Variants in GATAD2A observed in about 807,000 individuals in gnomAD.
GATAD2A encodes the protein GATA zinc finger domain containing 2A.
Under a neutral mutation model 68.5 loss-of-function variants are expected in GATAD2A, and 12 were observed. The ratio of observed to expected loss-of-function variants is 0.18; its 90% confidence interval spans 0.11 to 0.28. The LOEUF (loss-of-function observed/expected upper bound fraction) is 0.28. Ranked by LOEUF, GATAD2A falls within the 10% of genes least tolerant of loss-of-function variation. The pLI, the probability that GATAD2A is intolerant of heterozygous loss-of-function variation, is 1.00. For missense variants in GATAD2A, 755 were observed against 868.5 expected, an observed-to-expected ratio of 0.87 and a Z score of 1.64; for synonymous variants, 410 against 375.3, an observed-to-expected ratio of 1.09 and a Z score of -1.07.
intron 10 of GATAD2A, 56 bp downstream of exon 10, chr19:19,502,099 C>T (rs1037964707): frequency 3.3e-5 from 42 of 1,279,606 alleles, no homozygotes; most frequent in African/African-American, 1.8e-4. Context: ...CCCGTGACCA[C>T]GTCAGTCGCC....
chr19:19,490,150 TTC>T (rs2059690140), intron 2 of GATAD2A, among the ~76,000 whole-genome samples: 1 of 152,142 alleles, frequency 6.6e-6, no homozygotes, highest in African/African-American at 2.4e-5. Context: ...AATCGTACCT[TTC>T]TGTCCACGCC....
chr19:19,475,331 T>C (rs983345443), intron 2 of GATAD2A, among the ~76,000 whole-genome samples: 1 of 152,314 alleles, frequency 6.6e-6, no homozygotes, highest in South Asian at 2.1e-4. Flanking sequence ...TTGGCAGGGA[T>C]TGAACCCCTA....
intron 1 of GATAD2A, chr19:19,436,267 C>T: frequency 9.7e-7 from 1 of 1,031,100 alleles, no homozygotes; most frequent in Non-Finnish European, 1.4e-6. Flanking sequence ...TCCACGCATC[C>T]AGCAGGCTTC....
At chr19:19,457,435 A>G (rs12977524) in intron 1 of GATAD2A, among the ~76,000 whole-genome samples, 28,899 of 152,030 alleles carry the variant, frequency 0.19, 2,962 homozygotes, top group South Asian at 0.33. Context: ...CTTCAGGTGA[A>G]AGCAGTGTAA....
chr19:19,493,872 T>G (rs1388242429), intron 4 of GATAD2A, among the ~76,000 whole-genome samples: 2 of 152,118 alleles, frequency 1.3e-5, no homozygotes, highest in Non-Finnish European at 2.9e-5. Context: ...CTGGCCCTTC[T>G]CTACTGGAAC....
Position 19,409,889 on chromosome 19 carries a change from T to C in GATAD2A, c.-7+3870T>C, listed in dbSNP as rs115701556. On this transcript the variant is annotated intron_variant, in intron 1 of 11. Transcript: ENST00000683918. The stretch of plus-strand genomic sequence containing the variant: ...CCCACCTTGTGCTTTCCAGACTATA[T>C]TTGTGACCTCTTTTTGTCTGATGGA... 2.4e-3 allele frequency among the ~76,000 whole-genome samples: 371 copies of C among 152,330 alleles called. 2 individuals carry two copies. The highest frequency in any genetic ancestry group is 8.5e-3 in the African/African-American group (354 of 41,576).
At chr19:19,437,498 A>G (rs768854795) in intron 1 of GATAD2A, among the ~76,000 whole-genome samples, 1 of 152,184 alleles carries the variant, frequency 6.6e-6, no homozygotes, top group African/African-American at 2.4e-5. Flanking sequence ...TTTTATATAT[A>G]TTCAAGAGTT....
intron 1 of GATAD2A, among the ~76,000 whole-genome samples, chr19:19,433,456 T>G (rs2053967461): frequency 6.6e-6 from 1 of 151,764 alleles, no homozygotes; most frequent in Non-Finnish European, 1.5e-5. Flanking sequence ...GGAATCAGTT[T>G]GTCATTTCTT....
At chr19:19,493,536 G>A (rs1189937361) in intron 4 of GATAD2A, among the ~76,000 whole-genome samples, 1 of 152,150 alleles carries the variant, frequency 6.6e-6, no homozygotes, top group Non-Finnish European at 1.5e-5. Flanking sequence ...CAGCTTAATG[G>A]GCAGCGAGGT....
intron 2 of GATAD2A, among the ~76,000 whole-genome samples, chr19:19,467,445 G>T (rs1009909098): frequency 2.4e-4 from 37 of 152,008 alleles, no homozygotes; most frequent in African/African-American, 7.5e-4. Context: ...GTCTTCCAAG[G>T]GTAATCACTT....
At chr19:19,484,753 T>C (rs1349532973) in intron 2 of GATAD2A, among the ~76,000 whole-genome samples, 1 of 152,108 alleles carries the variant, frequency 6.6e-6, no homozygotes, top group Non-Finnish European at 1.5e-5. Context: ...CAGGATGGTC[T>C]CTATCTCGTG....
intron 1 of GATAD2A, among the ~76,000 whole-genome samples, chr19:19,457,732 CTG>C (rs2057066008): frequency 6.7e-6 from 1 of 149,822 alleles, no homozygotes; most frequent in South Asian, 2.1e-4. Flanking sequence ...CAGACTGAGA[CTG>C]TGTCTCAAAA....
intron 4 of GATAD2A, among the ~76,000 whole-genome samples, chr19:19,493,434 C>T (rs1438520661): frequency 1.3e-5 from 2 of 152,238 alleles, no homozygotes; most frequent in Non-Finnish European, 2.9e-5. Flanking sequence ...GTGCTGAGCT[C>T]CCGTGGATCT....
chr19:19,429,552 A>G (rs990933128), intron 1 of GATAD2A, among the ~76,000 whole-genome samples: 1 of 151,926 alleles, frequency 6.6e-6, no homozygotes, highest in African/African-American at 2.4e-5. Context: ...CGTCTGGTTT[A>G]TTATGGGGAG....
intron 2 of GATAD2A, among the ~76,000 whole-genome samples, chr19:19,487,949 G>A (rs988843012): frequency 9.2e-5 from 14 of 152,122 alleles, no homozygotes; most frequent in African/African-American, 3.4e-4. Flanking sequence ...AAATGGTTCT[G>A]TGGCTGGAGA....
intron 1 of GATAD2A, among the ~76,000 whole-genome samples, chr19:19,432,831 G>C (rs1342335516): frequency 1.3e-5 from 2 of 152,194 alleles, no homozygotes; most frequent in African/African-American, 4.8e-5. Flanking sequence ...GGGCCTCTGG[G>C]GTTAGGAGAG....
chr19:19,460,404 G>A lies in GATAD2A; in HGVS notation c.-6-4936G>A, dbSNP rs1158950400. On this transcript the variant is annotated intron_variant, in intron 1 of 11. Transcript: ENST00000683918. ...CCTTGTGTCTTGAGTGTTGGGCGCA[G>A]CTCACAGCTAGCGAGGCTAGCACCT... 2.0e-5 allele frequency among the ~76,000 whole-genome samples: 3 copies of A among 152,198 alleles called. No homozygotes were observed. In the East Asian group the frequency reaches 5.8e-4, roughly 29 times the overall value.
chr19:19,492,604 A>G lies in GATAD2A; in HGVS notation c.426A>G (p.Glu142=), dbSNP rs376866964. 13 of 1,614,114 alleles carry G rather than the reference A, an allele frequency of 8.1e-6. No individual in the cohort carries two copies. In the African/African-American group the frequency reaches 1.5e-4, roughly 18 times the overall value. Residue 142 remains glutamate, a synonymous_variant, in exon 4 of 12, where the codon GAA becomes GAG. Transcript: ENST00000683918. ...ALMKSSPEER[E]RMIKQLKEEL... The stretch of plus-strand genomic sequence containing the variant: ...AGAAAAGCAGTCCTGAAGAACGAGA[A>G]AGGATGATCAAGCAGCTGAAGGAAG...
chr19:19,496,368 C>G lies in GATAD2A; in HGVS notation c.924+149C>G. ...TTTCAGAGCCAGGCAGGGGCTTGGACTTGAGCTCCTGGGGGCCACAGGGCT... is the reference window on the plus strand; with the variant it reads ...TTTCAGAGCCAGGCAGGGGCTTGGAGTTGAGCTCCTGGGGGCCACAGGGCT... On this transcript the variant is annotated intron_variant, in intron 7 of 11. Coordinates refer to ENST00000683918, the MANE Select transcript of GATAD2A (RefSeq NM_001384528.1). The G allele has an allele frequency of 6.9e-6, 5 of 723,958 alleles. No homozygotes were observed. The South Asian group carries it at 8.7e-5, about 13-fold the overall frequency. The allele number at this position is 723,958 out of a possible 1,614,324, so 44.8% of individuals were successfully genotyped here.
Sources: allele counts gnomAD v4.1 joint callset (sites outside exome capture counted in the v4.1 genomes callset), GRCh38; gene constraint gnomAD v4.1.1; transcripts MANE v1.5; gene names NCBI Gene and HGNC (gene_info 2026-07-23, HGNC 2026-07-21).